The following LHX9 variants were observed in gnomAD, a reference collection of about 807,000 sequenced individuals.
The protein encoded by LHX9 is LIM/homeobox protein Lhx9.
LHX9 carries 9 observed loss-of-function variants against 36.5 expected under a neutral mutation model. The ratio of observed to expected loss-of-function variants is 0.25; its 90% CI spans 0.15 to 0.43. The LOEUF is 0.43. Ranked by LOEUF, LHX9 falls within the 20% of genes least tolerant of loss-of-function variation. The probability of loss-of-function intolerance (pLI) is 1.00; values close to 1 mark genes in which losing one functional copy is unlikely to be tolerated. For missense variants in LHX9, 464 were observed against 526.4 expected (o/e 0.88, Z 1.16); for synonymous variants, 211 against 212.1 (o/e 0.99, Z 0.04).
At position 197,929,096 on chromosome 1, in the gene LHX9, C is replaced by A; in HGVS notation, c.1031C>A (p.Ala344Asp). ...AAAGCTGACGGCACGTCGCTTCCGG[C>A]CCCGCCCTCAGCAGACAGCGGAGCT... Reference protein sequence around the residue: ...VDKADGTSLPAPPSADSGALT... With the variant: ...VDKADGTSLPDPPSADSGALT... Residue 344 changes from alanine (A) to aspartate (D), a missense_variant, in exon 5 of 5, where the codon GCC becomes GAC. This residue lies in a region of LHX9 where 102 missense variants were observed against 97.0 expected (regional missense o/e 1.05). Coordinates refer to ENST00000367387, the MANE Select transcript of LHX9 (RefSeq NM_020204.3). 6.2e-7 allele frequency: 1 copy of A among 1,613,706 alleles called. No individual in the cohort carries two copies. The highest frequency in any genetic ancestry group is 8.5e-7 in the Non-Finnish European group (1 of 1,179,894).
Position 197,921,748 on chromosome 1 carries a change from A to T in LHX9, c.733+89A>T. On this transcript the variant is annotated intron_variant, in intron 3 of 4. Transcript: ENST00000367387. This position sits in a 1 kb window ranked among gnomAD's most constrained non-coding sequence, Gnocchi z 4.6. ...CTTCCCCGTCCAAAGTCTTGCTGCA[A>T]GAGTGTGTTTTGCCCAATGCCTCTG... 8.7e-7 allele frequency: 1 copy of T among 1,155,644 alleles called. No homozygotes were observed. The highest frequency in any genetic ancestry group is 1.2e-6 in the Non-Finnish European group (1 of 836,890). The allele number at this position is 1,155,644 out of a possible 1,614,324, so 71.6% of individuals were successfully genotyped here. A position where few individuals can be genotyped will look rare whatever the true frequency, so the allele number is the denominator to read the frequency against.
At position 197,917,987 on chromosome 1, in the gene LHX9, G is replaced by A. The variant is rs1659830433; in HGVS notation, c.164G>A (p.Gly55Asp). The A allele has an allele frequency of 1.2e-6, 2 of 1,612,938 alleles. No homozygotes were observed. The highest frequency in any genetic ancestry group is 1.7e-4 in the Middle Eastern group (1 of 6,032). The change falls in exon 1 of 5, where the codon GGC becomes GAC. Residue 55 changes from glycine to aspartate, a missense_variant. By Grantham distance (94) the Gly-to-Asp change is moderately conservative. This residue lies in a region of LHX9 where 119 missense variants were observed against 102.4 expected (regional missense o/e 1.16). Coordinates refer to ENST00000367387, the MANE Select transcript of LHX9 (RefSeq NM_020204.3). Reference protein sequence around the residue: ...ARLAKGAQLNGRDAGMPPLSP... With the variant: ...ARLAKGAQLNDRDAGMPPLSP... ...CTGGCCAAAGGCGCCCAGCTCAACGGCCGCGACGCGGTAAGGAAGGGCTCC... is the reference window on the plus strand; with the variant it reads ...CTGGCCAAAGGCGCCCAGCTCAACGACCGCGACGCGGTAAGGAAGGGCTCC...
Position 197,934,078 on chromosome 1 carries a change from G to A in LHX9, c.*4819G>A, listed in dbSNP as rs1008693948. 6.6e-6 allele frequency: 1 copy of A among 152,104 alleles called. No individual in the cohort carries two copies. The highest frequency in any genetic ancestry group is 1.5e-5 in the Non-Finnish European group (1 of 68,014). The allele number at this position is 152,104 out of a possible 1,614,324, so 9.4% of individuals were successfully genotyped here. A position where few individuals can be genotyped will look rare whatever the true frequency, so the allele number is the denominator to read the frequency against. ...CCACCTTAATACTGACTTACATAGT[G>A]GGTAGGTTTTTGATACCTCAAATAA... On this transcript the variant is annotated 3_prime_UTR_variant, in exon 5 of 5. Transcript: ENST00000367387.
At position 197,921,147 on chromosome 1, in the gene LHX9, G is replaced by A. The variant is rs962552143; in HGVS notation, c.378-157G>A. Among the ~76,000 whole-genome samples the A allele has an allele frequency of 6.6e-6, 1 of 152,094 alleles. No individual in the cohort carries two copies. ...CCTTTGTCTTGGTTTATCAGAAAAG[G>A]TCGATGAGCAAATAAAATTAATGCC... On this transcript the variant is annotated intron_variant, in intron 2 of 4. Transcript: ENST00000367387. The surrounding 1 kb of genome is among the most constrained non-coding windows in gnomAD (Gnocchi z 4.6).
chr1:197,918,427 C>A, intron 1 of LHX9: 1 of 715,940 alleles, frequency 1.4e-6, no homozygotes, highest in East Asian at 2.7e-5. Flanking sequence ...TGGCCTTAGT[C>A]TCTGGGCCTG....
In LHX9 at chr1:197,931,908, A is replaced by AT. The variant is rs1274319311; in HGVS notation, c.*2656dup. On this transcript the variant is annotated 3_prime_UTR_variant, in exon 5 of 5. Transcript: ENST00000367387. ...CTGTAGTTAATAAATTGTCACTATG[A>AT]TTTTTTTCAGGGAGAACAAATCTTG... 5.2e-6 allele frequency: 8 copies of AT among 1,547,148 alleles called. No individual in the cohort carries two copies. Among genetic ancestry groups the AT allele is most frequent in the Admixed American group, 2.0e-5 (1 of 50,896 alleles).
chr1:197,934,302 G>A lies in LHX9; in HGVS notation c.*5043G>A, dbSNP rs918804155. ...TATAAATATCATCTCATTTTCTGTT[G>A]CAGTGTGACTGCAAGGCATGTTGTG... On this transcript the variant is annotated 3_prime_UTR_variant, in exon 5 of 5. Coordinates refer to ENST00000367387, the MANE Select transcript of LHX9 (RefSeq NM_020204.3). 3 of 152,062 alleles carry A rather than the reference G, an allele frequency of 2.0e-5. No individual in the cohort carries two copies. The highest frequency in any genetic ancestry group is 3.4e-3 in the Middle Eastern group (1 of 294). 9.4% of individuals were successfully genotyped at this position (152,062 alleles called of 1,614,324 possible).
In LHX9 at chr1:197,934,084, G is replaced by GT. The variant is rs1660394507; in HGVS notation, c.*4830dup. ...TAATACTGACTTACATAGTGGGTAG[G>GT]TTTTTGATACCTCAAATAAGGATAA... On this transcript the variant is annotated 3_prime_UTR_variant, in exon 5 of 5. Transcript: ENST00000367387. 6.6e-6 allele frequency: 1 copy of GT among 152,116 alleles called. No individual in the cohort carries two copies. Among genetic ancestry groups the GT allele is most frequent in the Admixed American group, 6.5e-5 (1 of 15,272 alleles). The allele number at this position is 152,116 out of a possible 1,614,324, so 9.4% of individuals were successfully genotyped here.
chr1:197,930,186 T>G lies in LHX9; in HGVS notation c.*927T>G. ...AATTGGCTTCAGCTGTACCATGATA[T>G]TGTATCTGGCATTCTATATGAATAA... On this transcript the variant is annotated 3_prime_UTR_variant, in exon 5 of 5. Coordinates refer to ENST00000367387, the MANE Select transcript of LHX9 (RefSeq NM_020204.3). The G allele has an allele frequency of 2.4e-6, 1 of 413,156 alleles. No homozygotes were observed. The highest frequency in any genetic ancestry group is 3.3e-6 in the Non-Finnish European group (1 of 307,466). 25.6% of individuals were successfully genotyped at this position (413,156 alleles called of 1,614,324 possible).
rs1660348461 is a variant in LHX9 at position 197,932,219 on chromosome 1, C to A, written c.*2960C>A. On this transcript the variant is annotated 3_prime_UTR_variant, in exon 5 of 5. Coordinates refer to ENST00000367387, the MANE Select transcript of LHX9 (RefSeq NM_020204.3). The stretch of plus-strand genomic sequence containing the variant: ...AGATAAACCATGTACAAAACCAGAG[C>A]AACCTGGCAGTAATATGCCCACCCC... The A allele has an allele frequency of 5.3e-6, 2 of 379,124 alleles. No individual in the cohort carries two copies. The highest frequency in any genetic ancestry group is 9.8e-5 in the South Asian group (1 of 10,224). 23.5% of individuals were successfully genotyped at this position (379,124 alleles called of 1,614,324 possible).
In LHX9 at chr1:197,917,727, C is replaced by G; in HGVS notation, c.-97C>G. 6.3e-7 allele frequency: 1 copy of G among 1,595,142 alleles called. No individual in the cohort carries two copies. The highest frequency in any genetic ancestry group is 1.4e-5 in the African/African-American group (1 of 73,744). ...TTCTCCTCCTTTCTCTCCCTCTTTCCCTCCATCCTCGAGCGTCTCTGCGCT... is the reference window on the plus strand; with the variant it reads ...TTCTCCTCCTTTCTCTCCCTCTTTCGCTCCATCCTCGAGCGTCTCTGCGCT... On this transcript the variant is annotated 5_prime_UTR_variant, in exon 1 of 5. Transcript: ENST00000367387.
In LHX9 at chr1:197,917,706, C is replaced by T; in HGVS notation, c.-118C>T. The T allele has an allele frequency of 6.3e-7, 1 of 1,584,354 alleles. No homozygotes were observed. The highest frequency in any genetic ancestry group is 8.5e-7 in the Non-Finnish European group (1 of 1,169,992). On this transcript the variant is annotated 5_prime_UTR_variant, in exon 1 of 5. Coordinates refer to ENST00000367387, the MANE Select transcript of LHX9 (RefSeq NM_020204.3). ...GATTTCCACTCCATCTGTTTCTTCT[C>T]CTCCTTTCTCTCCCTCTTTCCCTCC...
rs1660259120 is a variant in LHX9 at position 197,929,343 on chromosome 1, A to T, written c.*84A>T. The T allele has an allele frequency of 8.4e-7, 1 of 1,187,924 alleles. No individual in the cohort carries two copies. The highest frequency in any genetic ancestry group is 1.6e-5 in the African/African-American group (1 of 63,254). The allele number at this position is 1,187,924 out of a possible 1,614,324, so 73.6% of individuals were successfully genotyped here. On this transcript the variant is annotated 3_prime_UTR_variant, in exon 5 of 5. Coordinates refer to ENST00000367387, the MANE Select transcript of LHX9 (RefSeq NM_020204.3). The stretch of plus-strand genomic sequence containing the variant: ...TTATTATTATTTTATTATTTACAAG[A>T]CTTTTTTTTTCTTCTAACCCACAAG...
At position 197,929,220 on chromosome 1, in the gene LHX9, C is replaced by T. The variant is rs1234977732; in HGVS notation, c.1155C>T (p.Ser385=). The change falls in exon 5 of 5, where the codon TCC becomes TCT. Residue 385 remains serine, a synonymous_variant. Transcript: ENST00000367387. ...CCTCTAACATGGACAGCCACGAATC[C>T]GGAAGCCCCTCACAAACTACCTTAA... is the stretch of plus-strand genomic sequence containing the variant. ...SVTSNMDSHE[S]GSPSQTTLTN... is the part of the protein sequence containing the mutation. 6 of 1,538,028 alleles carry T rather than the reference C, an allele frequency of 3.9e-6. No homozygotes were observed. Among genetic ancestry groups the T allele is most frequent in the African/African-American group, 1.4e-5 (1 of 72,712 alleles).
At position 197,917,770 on chromosome 1, in the gene LHX9, T is replaced by G. The variant is rs1659817967; in HGVS notation, c.-54T>G. ...TCTGCGCTCCTACAGGGCAGCCCTC[T>G]CTGGTCCCTTGCCTCCTTCACTCGG... On this transcript the variant is annotated 5_prime_UTR_variant, in exon 1 of 5. Transcript: ENST00000367387. The G allele has an allele frequency of 1.2e-6, 2 of 1,613,670 alleles. No homozygotes were observed. Among genetic ancestry groups the G allele is most frequent in the Non-Finnish European group, 1.7e-6 (2 of 1,179,822 alleles).
intron 1 of LHX9, chr1:197,918,540 G>A: frequency 1.6e-6 from 1 of 608,660 alleles, no homozygotes; most frequent in East Asian, 2.7e-5. Context: ...CAGGGTTTCT[G>A]GCATCCCGAC....
In LHX9 at chr1:197,927,682, G is replaced by A; in HGVS notation, c.825G>A (p.Lys275=). The A allele has an allele frequency of 6.2e-7, 1 of 1,614,122 alleles. No homozygotes were observed. The highest frequency in any genetic ancestry group is 8.5e-7 in the Non-Finnish European group (1 of 1,180,036). Residue 275 remains lysine (K), a synonymous_variant, in exon 4 of 5, where the codon AAG becomes AAA. Coordinates refer to ENST00000367387, the MANE Select transcript of LHX9 (RefSeq NM_020204.3). Reference sequence around the variant, plus strand: ...CCAAGCGCATGCGAACCTCTTTCAAGCATCACCAGCTCCGGACCATGAAAT... The same window carrying A: ...CCAAGCGCATGCGAACCTCTTTCAAACATCACCAGCTCCGGACCATGAAAT... ...QKTKRMRTSF[K]HHQLRTMKSY...
chr1:197,932,029 A>G lies in LHX9; in HGVS notation c.*2770A>G, dbSNP rs1421955598. On this transcript the variant is annotated 3_prime_UTR_variant, in exon 5 of 5. Transcript: ENST00000367387. ...CGGAAATCCACTGCAGTGAAGACAA[A>G]GACACTATTAGGTTATGATAATCAT... The G allele has an allele frequency of 8.0e-7, 1 of 1,248,726 alleles. No homozygotes were observed. The highest frequency in any genetic ancestry group is 1.5e-5 in the African/African-American group (1 of 66,764). 77.4% of individuals were successfully genotyped at this position (1,248,726 alleles called of 1,614,324 possible).
At chr1:197,913,379 C>A (rs1223229326), upstream of LHX9, among the ~76,000 whole-genome samples, 1 of 152,186 alleles carries the variant, frequency 6.6e-6, no homozygotes, top group Non-Finnish European at 1.5e-5. Context: ...TTCCAGGCAG[C>A]CGAACTCCCC....
Sources: allele counts gnomAD v4.1 joint callset (sites outside exome capture counted in the v4.1 genomes callset), GRCh38; gene constraint gnomAD v4.1.1; regional missense constraint gnomAD v4.1.1; non-coding constraint Gnocchi (gnomAD v3.1); transcripts MANE v1.5; gene names NCBI Gene and HGNC (gene_info 2026-07-23, HGNC 2026-07-21).